The following CLTCL1 variants were observed in gnomAD, a reference collection of about 807,000 sequenced individuals.
The protein encoded by CLTCL1 is clathrin heavy chain 2.
In CLTCL1, 159 loss-of-function variants were observed where a neutral mutation model predicts 190.0. The ratio of observed to expected loss-of-function variants is 0.84; its 90% confidence interval spans 0.74 to 0.95. The LOEUF is 0.95. Among genes scored for constraint, CLTCL1 ranks in the 40% least tolerant of loss-of-function variants. CLTCL1 has a pLI of 0.00. For synonymous variants in CLTCL1, 752 were observed against 769.6 expected (o/e 0.98, Z 0.38); for missense variants, 1,878 against 2,033.4 (o/e 0.92, Z 1.47).
chr22:19,185,175 G>A (rs150595267), intron 29 of CLTCL1, among the ~76,000 whole-genome samples: 3,662 of 152,264 alleles, frequency 0.024, 50 homozygotes, highest in Non-Finnish European at 0.036. Flanking sequence ...CTGGGGAGCC[G>A]CCTGTGCACT....
chr22:19,233,161 G>C lies in CLTCL1; in HGVS notation c.1521+5C>G, dbSNP rs371706961. On this transcript the variant is annotated splice_donor_5th_base_variant and intron_variant, in intron 9 of 32. Transcript: ENST00000427926. ...GTGAGATGCCAGTGGTTCAACACACGTTACCTTTTTGGCATAGAGCACAAT... is the reference window on the plus strand; with the variant it reads ...GTGAGATGCCAGTGGTTCAACACACCTTACCTTTTTGGCATAGAGCACAAT... 2 of 1,610,454 alleles carry C rather than the reference G, an allele frequency of 1.2e-6. No individual in the cohort carries two copies. The highest frequency in any genetic ancestry group is 1.7e-6 in the Non-Finnish European group (2 of 1,177,028).
Position 19,233,229 on chromosome 22 carries a change from G to C in CLTCL1, c.1458C>G (p.Ser486Arg). 3 of 1,613,992 alleles carry C rather than the reference G, an allele frequency of 1.9e-6. No individual in the cohort carries two copies. The highest frequency in any genetic ancestry group is 2.5e-6 in the Non-Finnish European group (3 of 1,179,874). Residue 486 changes from serine (S) to arginine (R), a missense_variant, in exon 9 of 33, where the codon AGC (serine) becomes AGG (arginine). By Grantham distance (110) the Ser-to-Arg change is moderately radical. Coordinates refer to ENST00000427926, the MANE Select transcript of CLTCL1 (RefSeq NM_007098.4). ...LSVYLRANVP[S>R]KVIQCFAETG... ...TTTCTGCAAAACACTGGATCACTTT[G>C]CTTGGCACATTTGCCCGAAGGTACA...
chr22:19,275,648 T>G lies in CLTCL1; in HGVS notation c.225A>C (p.Pro75=), dbSNP rs782380745. Residue 75 remains proline (P), a synonymous_variant, in exon 2 of 33, where the codon CCA becomes CCC. Transcript: ENST00000427926. ...PISAESAIMN[P]ASKVIALKAG... ...CTTTCAGAGCTATCACCTTAGAGGC[T>G]GGATTCATGATGGCACTCTCTGCAG... is the stretch of plus-strand genomic sequence containing the variant. 2 of 1,605,968 alleles carry G rather than the reference T, an allele frequency of 1.2e-6. No homozygotes were observed. Among genetic ancestry groups the G allele is most frequent in the Admixed American group, 1.7e-5 (1 of 58,688 alleles).
At chr22:19,252,924 G>C (rs540582545) in intron 3 of CLTCL1, among the ~76,000 whole-genome samples, 120 of 149,306 alleles carry the variant, frequency 8.0e-4, no homozygotes, top group African/African-American at 2.1e-3. Flanking sequence ...TGAGGCAGGA[G>C]AATGGCATGA....
chr22:19,232,055 G>C (rs2085931789), intron 10 of CLTCL1, among the ~76,000 whole-genome samples: 1 of 152,190 alleles, frequency 6.6e-6, no homozygotes, highest in Non-Finnish European at 1.5e-5. Flanking sequence ...AAAACAGGCT[G>C]ATGCTCACGT....
chr22:19,206,956 A>G (rs1555943068), intron 22 of CLTCL1, among the ~76,000 whole-genome samples: 1 of 151,990 alleles, frequency 6.6e-6, no homozygotes, highest in Non-Finnish European at 1.5e-5. Flanking sequence ...CTATTAAAAA[A>G]GGAATGTTTT....
chr22:19,234,086 A>T (rs558558153), intron 7 of CLTCL1, among the ~76,000 whole-genome samples: 1 of 152,346 alleles, frequency 6.6e-6, no homozygotes, highest in African/African-American at 2.4e-5. Flanking sequence ...AAATAAACCC[A>T]AGAAAAAGCC....
intron 11 of CLTCL1, among the ~76,000 whole-genome samples, chr22:19,228,053 A>C (rs1555957043): frequency 6.6e-6 from 1 of 152,094 alleles, no homozygotes; most frequent in Non-Finnish European, 1.5e-5. Flanking sequence ...ACTCTTTCTT[A>C]TTCCTTCTAG....
Position 19,209,003 on chromosome 22 carries a change from C to T in CLTCL1, c.3361G>A (p.Val1121Met). 6.2e-7 allele frequency: 1 copy of T among 1,611,786 alleles called. No individual in the cohort carries two copies. Among genetic ancestry groups the T allele is most frequent in the South Asian group, 1.1e-5 (1 of 90,434 alleles). Residue 1121 changes from valine (V) to methionine (M), a missense_variant, in exon 21 of 33, where the codon GTG becomes ATG. Val to Met is a conservative substitution (Grantham distance 21). Coordinates refer to ENST00000427926, the MANE Select transcript of CLTCL1 (RefSeq NM_007098.4). ...ATATAGGAGTTGATGGCTTCCTTCA[C>T]CAAATCTTTCTGGAGCTGGGCTTGG... Reference protein sequence around the residue: ...LAQAQLQKDLVKEAINSYIRG... With the variant: ...LAQAQLQKDLMKEAINSYIRG...
chr22:19,250,985 G>C (rs1350565450), intron 3 of CLTCL1, among the ~76,000 whole-genome samples: 2 of 152,010 alleles, frequency 1.3e-5, no homozygotes, highest in Admixed American at 1.3e-4. Flanking sequence ...ATAAATTTTA[G>C]GATCATCTTG....
At chr22:19,183,293 C>T in intron 30 of CLTCL1, 97 bp downstream of exon 30, 1 of 1,107,332 alleles carries the variant, frequency 9.0e-7, no homozygotes, top group Non-Finnish European at 1.3e-6. Context: ...GGGTTGGCCT[C>T]AAAGGGGCCC....
At chr22:19,182,668 C>T (rs947108) in intron 30 of CLTCL1, 8,851 of 152,320 alleles carry the variant, frequency 0.058, 313 homozygotes, top group Middle Eastern at 0.16. Flanking sequence ...CTGAGTGATG[C>T]TTCAGCATGA....
At chr22:19,256,094 C>T (rs2086738783) in intron 2 of CLTCL1, among the ~76,000 whole-genome samples, 1 of 151,914 alleles carries the variant, frequency 6.6e-6, no homozygotes, top group African/African-American at 2.4e-5. Flanking sequence ...ATGTCATTTC[C>T]CCATAAATTA....
intron 1 of CLTCL1, among the ~76,000 whole-genome samples, chr22:19,276,874 G>T (rs182301809): frequency 1.3e-5 from 2 of 152,082 alleles, no homozygotes; most frequent in Admixed American, 6.6e-5. Context: ...GGGTTTCACC[G>T]TGTTAGCCAG....
At chr22:19,239,460 G>C (rs1256385314) in intron 4 of CLTCL1, 72 bp from the exon 5 acceptor site, 2 of 1,070,520 alleles carry the variant, frequency 1.9e-6, no homozygotes, top group African/African-American at 3.1e-5. Context: ...AAGGCACAGA[G>C]GCAAGTGGAG....
intron 1 of CLTCL1, among the ~76,000 whole-genome samples, chr22:19,288,258 TTC>T (rs1365018056): frequency 6.6e-6 from 1 of 152,190 alleles, no homozygotes; most frequent in Non-Finnish European, 1.5e-5. Context: ...GTTATTATTG[TTC>T]TGTTTTATTA....
At position 19,180,190 on chromosome 22, in the gene CLTCL1, G is replaced by A. The variant is rs2084082366; in HGVS notation, c.*20+9C>T. On this transcript the variant is annotated intron_variant, in intron 32 of 32. Transcript: ENST00000427926. ...AGAGGATAAGCTAGTCTCCAAATGG[G>A]ACACTTACTTAGTGCAATCAGCTGG... 3 of 1,612,836 alleles carry A rather than the reference G, an allele frequency of 1.9e-6. No homozygotes were observed.
intron 1 of CLTCL1, among the ~76,000 whole-genome samples, chr22:19,287,547 T>C (rs1555990847): frequency 6.6e-6 from 1 of 152,172 alleles, no homozygotes; most frequent in Non-Finnish European, 1.5e-5. Flanking sequence ...TGAAGGACTT[T>C]AAGCAGATGC....
intron 1 of CLTCL1, among the ~76,000 whole-genome samples, chr22:19,281,356 T>A (rs1355066518): frequency 6.6e-6 from 1 of 151,374 alleles, no homozygotes; most frequent in Non-Finnish European, 1.5e-5. Context: ...TGCATAACAA[T>A]TTGAATGTAC....
Sources: allele counts gnomAD v4.1 joint callset (sites outside exome capture counted in the v4.1 genomes callset), GRCh38; gene constraint gnomAD v4.1.1; transcripts MANE v1.5; gene names NCBI Gene and HGNC (gene_info 2026-07-23, HGNC 2026-07-21).